The following CHN2 variants were observed in gnomAD, a reference collection of about 807,000 sequenced individuals.
CHN2 encodes the protein beta-chimaerin.
A neutral mutation model predicts 56.3 loss-of-function variants in CHN2; 35 were observed. The ratio of observed to expected loss-of-function variants is 0.62; its 90% confidence interval spans 0.47 to 0.82. The LOEUF (loss-of-function observed/expected upper bound fraction) is 0.82. CHN2 is among the 40% of genes least tolerant of loss of function. The probability of loss-of-function intolerance (pLI) is 0.00; values close to 1 mark genes in which losing one functional copy is unlikely to be tolerated. For synonymous variants in CHN2, 210 were observed against 212.8 expected, an observed-to-expected ratio of 0.99 and a Z score of 0.12; for missense variants, 491 against 580.5, an observed-to-expected ratio of 0.85 and a Z score of 1.58.
rs561572357 is a variant in CHN2 at position 29,346,435 on chromosome 7, G to A, written c.50-8190G>A. 2.6e-5 allele frequency among the ~76,000 whole-genome samples: 4 copies of A among 152,282 alleles called. No homozygotes were observed. The East Asian group carries it at 7.7e-4, about 29-fold the overall frequency. ...TCGTGAGGCTGTTCCATGCTTGACT[G>A]AAAAACCTGTTTTCACCCAACTTCC... On this transcript the variant is annotated intron_variant, in intron 1 of 12. Coordinates refer to ENST00000222792, the MANE Select transcript of CHN2 (RefSeq NM_004067.4).
At chr7:29,399,560 T>C in intron 5 of CHN2, among the ~76,000 whole-genome samples, 1 of 152,192 alleles carries the variant, frequency 6.6e-6, no homozygotes, top group South Asian at 2.1e-4. Flanking sequence ...CCTATACATT[T>C]CGGGGAAGGT....
intron 1 of CHN2, among the ~76,000 whole-genome samples, chr7:29,317,040 T>G (rs953174670): frequency 2.6e-5 from 4 of 152,226 alleles, no homozygotes; most frequent in African/African-American, 9.6e-5. Flanking sequence ...TTAAGACATT[T>G]TGCACAATCA....
intron 6 of CHN2, chr7:29,401,224 T>C: frequency 5.5e-6 from 1 of 180,714 alleles, no homozygotes; most frequent in African/African-American, 2.4e-5. Flanking sequence ...GCCAAGATTG[T>C]GCCACTGCAC....
At chr7:29,506,513 T>C (rs918369034) in intron 10 of CHN2, among the ~76,000 whole-genome samples, 3 of 152,118 alleles carry the variant, frequency 2.0e-5, no homozygotes, top group African/African-American at 7.2e-5. Context: ...GGCACGTCCC[T>C]GGAATCCCAG....
chr7:29,315,195 G>C (rs768531681), intron 1 of CHN2, among the ~76,000 whole-genome samples: 3 of 152,168 alleles, frequency 2.0e-5, no homozygotes, highest in Non-Finnish European at 4.4e-5. Context: ...TGCTTCTAGT[G>C]CAAGGATCTT....
chr7:29,413,756 A>G (rs1299980096), intron 6 of CHN2, among the ~76,000 whole-genome samples: 2 of 152,206 alleles, frequency 1.3e-5, no homozygotes, highest in Non-Finnish European at 2.9e-5. Flanking sequence ...AACAGGCTGT[A>G]CTTTCCACTG....
rs555537197 is a variant in CHN2, at chr7:29,378,210, T to C, written c.144+10223T>C. 2.6e-3 allele frequency among the ~76,000 whole-genome samples: 400 copies of C among 152,360 alleles called. 3 individuals are homozygous for C. Among genetic ancestry groups the C allele is most frequent in the African/African-American group, 9.3e-3 (387 of 41,592 alleles). ...TTAAAAATGTAATTCAGCCATTTTC[T>C]ACCTCAGTTCATTGTGATTTCTTAA... On this transcript the variant is annotated intron_variant, in intron 3 of 12. Coordinates refer to ENST00000222792, the MANE Select transcript of CHN2 (RefSeq NM_004067.4).
chr7:29,380,251 A>C (rs901856731), intron 3 of CHN2, among the ~76,000 whole-genome samples: 1 of 151,676 alleles, frequency 6.6e-6, no homozygotes, highest in Non-Finnish European at 1.5e-5. Context: ...AAAGGGGGCA[A>C]TATCACCCCT....
chr7:29,280,527 G>A (rs1328545791), intron 1 of CHN2, among the ~76,000 whole-genome samples: 1 of 152,164 alleles, frequency 6.6e-6, no homozygotes, highest in Non-Finnish European at 1.5e-5. Context: ...TACCCATTAG[G>A]CTGTGGGTAA....
chr7:29,195,020 C>T (rs754019603), intron 1 of CHN2, 30 bp downstream of exon 1: 7 of 1,579,562 alleles, frequency 4.4e-6, no homozygotes, highest in Non-Finnish European at 5.1e-6. Context: ...GCGCTGCTGC[C>T]GCGCCGGGTC....
At chr7:29,298,884 AT>A (rs937442514) in intron 1 of CHN2, among the ~76,000 whole-genome samples, 49 of 151,330 alleles carry the variant, frequency 3.2e-4, no homozygotes, top group Admixed American at 1.3e-3. Flanking sequence ...TAAAAAAAAA[AT>A]TATGATAGGA....
At chr7:29,150,657 G>C (rs1231002912) in intron 2 of CHN2, among the ~76,000 whole-genome samples, 1 of 152,212 alleles carries the variant, frequency 6.6e-6, no homozygotes, top group Non-Finnish European at 1.5e-5. Context: ...ATGTGGAGCT[G>C]CAATGGAAAC....
At chr7:29,357,118 A>C (rs1015029163) in intron 2 of CHN2, among the ~76,000 whole-genome samples, 1 of 152,208 alleles carries the variant, frequency 6.6e-6, no homozygotes, top group Non-Finnish European at 1.5e-5. Flanking sequence ...TTGCTACTTA[A>C]ATTTAACAGT....
intron 6 of CHN2, among the ~76,000 whole-genome samples, chr7:29,472,050 T>A (rs1786098852): frequency 6.6e-6 from 1 of 152,068 alleles, no homozygotes; most frequent in African/African-American, 2.4e-5. Context: ...GGGTTCAAAG[T>A]ACATAGGATC....
At chr7:29,462,780 T>G (rs1410944018) in intron 6 of CHN2, among the ~76,000 whole-genome samples, 2 of 152,154 alleles carry the variant, frequency 1.3e-5, no homozygotes, top group African/African-American at 4.8e-5. Flanking sequence ...TTTAAATTAT[T>G]ATACTTTAAG....
intron 1 of CHN2, among the ~76,000 whole-genome samples, chr7:29,286,368 G>A (rs1020110725): frequency 6.6e-6 from 1 of 151,670 alleles, no homozygotes; most frequent in Non-Finnish European, 1.5e-5. Context: ...AAGAAATAGG[G>A]TAGGGCTCCA....
intron 6 of CHN2, among the ~76,000 whole-genome samples, chr7:29,472,112 A>T (rs1044330632): frequency 3.3e-5 from 5 of 152,302 alleles, no homozygotes; most frequent in Middle Eastern, 3.4e-3. Context: ...TCATTCGGCA[A>T]TTGGAGCTTA....
intron 1 of CHN2, among the ~76,000 whole-genome samples, chr7:29,260,447 G>A (rs541042707): frequency 2.0e-5 from 3 of 152,254 alleles, no homozygotes; most frequent in African/African-American, 7.2e-5. Context: ...TTCTGGAGAG[G>A]AGCATCAGAG....
chr7:29,355,401 C>T (rs35009766), intron 2 of CHN2, among the ~76,000 whole-genome samples: 33,082 of 152,068 alleles, frequency 0.22, 4,440 homozygotes, highest in Non-Finnish European at 0.3. Flanking sequence ...GAACAGATAG[C>T]GAAGAACCTG....
Sources: allele counts gnomAD v4.1 joint callset (sites outside exome capture counted in the v4.1 genomes callset), GRCh38; gene constraint gnomAD v4.1.1; transcripts MANE v1.5; gene names NCBI Gene and HGNC (gene_info 2026-07-23, HGNC 2026-07-21).